COL15A1: variants seen among roughly 807,000 people sequenced by gnomAD.
COL15A1 encodes collagen type XV alpha 1 chain.
A neutral mutation model predicts 165.9 loss-of-function variants in COL15A1; 111 were observed. The observed-to-expected ratio is 0.67, with a 90% confidence interval of 0.57 to 0.78. The LOEUF is 0.78. Ranked by LOEUF, COL15A1 falls within the 30% of genes least tolerant of loss-of-function variation. COL15A1 has a pLI of 0.00. For missense variants in COL15A1, 1,745 were observed against 1,789.7 expected, an observed-to-expected ratio of 0.98 and a Z score of 0.45; for synonymous variants, 659 against 674.8, an observed-to-expected ratio of 0.98 and a Z score of 0.36.
chr9:98,969,612 T>A (rs1588495409), intron 2 of COL15A1, among the ~76,000 whole-genome samples: 2 of 151,970 alleles, frequency 1.3e-5, no homozygotes, highest in African/African-American at 4.8e-5. Flanking sequence ...GGTAGGGAGG[T>A]GCCCAGTGTT....
At chr9:99,060,028 T>G in intron 36 of COL15A1, 75 bp downstream of exon 36, 4 of 1,504,488 alleles carry the variant, frequency 2.7e-6, no homozygotes, top group Non-Finnish European at 3.6e-6. Flanking sequence ...TACGATCTCC[T>G]GTGTCTGACA....
chr9:98,985,923 G>C lies in COL15A1; in HGVS notation c.459G>C (p.Ser153=), dbSNP rs567540031. Residue 153 remains serine, a synonymous_variant, in exon 3 of 42, where the codon TCG becomes TCC. Transcript: ENST00000375001. ...TGTCCCAAGAGGCTGCTGCCTTCTC[G>C]GTGCCTGTGATGACCCACAGGTGGA... ...SHVSQEAAAF[S]VPVMTHRWNR... The C allele has an allele frequency of 1.9e-6, 3 of 1,613,902 alleles. No homozygotes were observed. In the South Asian group the frequency reaches 3.3e-5, roughly 18 times the overall value.
intron 5 of COL15A1, among the ~76,000 whole-genome samples, chr9:98,996,724 T>C (rs941887202): frequency 6.6e-6 from 1 of 152,198 alleles, no homozygotes; most frequent in African/African-American, 2.4e-5. Context: ...CACTGTCAAG[T>C]GAACAGAATC....
chr9:98,957,663 TTCTCTC>T (rs148586804), intron 2 of COL15A1, among the ~76,000 whole-genome samples: 1 of 149,958 alleles, frequency 6.7e-6, no homozygotes, highest in Non-Finnish European at 1.5e-5. Context: ...CTAGGGTTAT[TTCTCTC>T]TCTCTCTCTC....
At chr9:99,020,183 T>C (rs1752424879) in intron 11 of COL15A1, among the ~76,000 whole-genome samples, 1 of 152,140 alleles carries the variant, frequency 6.6e-6, no homozygotes, top group African/African-American at 2.4e-5. Flanking sequence ...GGCAAATAGG[T>C]ACTGAGAGCT....
intron 30 of COL15A1, among the ~76,000 whole-genome samples, chr9:99,051,035 A>G (rs1839578775): frequency 2.6e-5 from 4 of 152,210 alleles, no homozygotes; most frequent in Non-Finnish European, 5.9e-5. Flanking sequence ...TGGCCTGAAG[A>G]GAAACATAAA....
In COL15A1 at chr9:99,069,786, T is replaced by G. The variant is rs1825955217; in HGVS notation, c.4067T>G (p.Leu1356Arg). 6.2e-7 allele frequency: 1 copy of G among 1,614,248 alleles called. No individual in the cohort carries two copies. Among genetic ancestry groups the G allele is most frequent in the Non-Finnish European group, 8.5e-7 (1 of 1,180,034 alleles). The stretch of plus-strand genomic sequence containing the variant: ...GCGGTCACGGGACTTGCCTCCCCGC[T>G]GAGCACGGGGAAGATTCTGGACCAG... ...DTAVTGLASP[L>R]STGKILDQKA... The change falls in exon 42 of 42, where the codon CTG becomes CGG. Residue 1356 changes from leucine (L) to arginine (R), a missense_variant. Physicochemically the swap from Leu to Arg is moderately radical, Grantham distance 102. Transcript: ENST00000375001.
intron 8 of COL15A1, among the ~76,000 whole-genome samples, chr9:99,004,659 T>A (rs79820256): frequency 0.016 from 2,489 of 152,224 alleles, 162 homozygotes; most frequent in South Asian, 0.11. Context: ...CCCTCGGGGT[T>A]GGCAGGGAGT....
intron 11 of COL15A1, among the ~76,000 whole-genome samples, chr9:99,016,558 C>A (rs965711170): frequency 2.0e-5 from 3 of 152,112 alleles, no homozygotes; most frequent in African/African-American, 7.2e-5. Context: ...TTTCTTTGGC[C>A]CTCCGTTTCC....
At chr9:99,069,495 G>T (rs1206148145) in intron 41 of COL15A1, among the ~76,000 whole-genome samples, 178 bp from the exon 42 acceptor site, 1 of 152,182 alleles carries the variant, frequency 6.6e-6, no homozygotes, top group African/African-American at 2.4e-5. Context: ...TGCAAGCTGG[G>T]TGTGGCTGCA....
chr9:98,948,034 G>C (rs962538562), intron 2 of COL15A1, among the ~76,000 whole-genome samples: 14 of 152,282 alleles, frequency 9.2e-5, no homozygotes, highest in Admixed American at 7.2e-4. Flanking sequence ...AATTTAAAAT[G>C]TTGGGAAACA....
At chr9:99,017,032 C>T (rs949997117) in intron 11 of COL15A1, among the ~76,000 whole-genome samples, 2 of 152,226 alleles carry the variant, frequency 1.3e-5, no homozygotes, top group Non-Finnish European at 2.9e-5. Context: ...GTCTTGCATT[C>T]ATTCGTTGAT....
At chr9:99,018,667 T>C (rs1321269223) in intron 11 of COL15A1, among the ~76,000 whole-genome samples, 4 of 152,224 alleles carry the variant, frequency 2.6e-5, no homozygotes, top group Non-Finnish European at 5.9e-5. Context: ...ATTCAAACAA[T>C]GGAACATTAT....
In COL15A1 at chr9:98,985,784, T is replaced by C; in HGVS notation, c.320T>C (p.Leu107Pro). 1 of 1,614,062 alleles carries C rather than the reference T, an allele frequency of 6.2e-7. No homozygotes were observed. The highest frequency in any genetic ancestry group is 8.5e-7 in the Non-Finnish European group (1 of 1,180,020). ...CCCAGCAGCACCCGTGGTGGCGTGC[T>C]CTTCGCCATCACTGACGCCTTCCAG... Reference protein sequence around the residue: ...VKPSSTRGGVLFAITDAFQKV... With the variant: ...VKPSSTRGGVPFAITDAFQKV... Residue 107 changes from leucine (L) to proline (P), a missense_variant, in exon 3 of 42, where the codon CTC (leucine) becomes CCC (proline). Physicochemically the swap from Leu to Pro is moderately conservative, Grantham distance 98. Coordinates refer to ENST00000375001, the MANE Select transcript of COL15A1 (RefSeq NM_001855.5).
Position 98,987,382 on chromosome 9 carries a change from C to T in COL15A1, c.723+14C>T. ...GAAGAGTCCTCGGTGAGCTCCCCTA[C>T]TATCCCACAGTGGGCCCTGCAACCC... is the stretch of plus-strand genomic sequence containing the variant. On this transcript the variant is annotated intron_variant, in intron 4 of 41. Transcript: ENST00000375001. 6.2e-7 allele frequency: 1 copy of T among 1,604,752 alleles called. No individual in the cohort carries two copies. The highest frequency in any genetic ancestry group is 8.5e-7 in the Non-Finnish European group (1 of 1,175,326).
intron 2 of COL15A1, among the ~76,000 whole-genome samples, chr9:98,959,621 C>T (rs1837836082): frequency 6.6e-6 from 1 of 152,050 alleles, no homozygotes; most frequent in Non-Finnish European, 1.5e-5. Flanking sequence ...TTAATTCTGC[C>T]CCTGCAATGT....
intron 10 of COL15A1, 123 bp downstream of exon 10, chr9:99,015,689 G>C: frequency 1.1e-6 from 1 of 936,136 alleles, no homozygotes; most frequent in Non-Finnish European, 1.6e-6. Flanking sequence ...ATGTCTGGGT[G>C]GGCAGCTGCT....
intron 2 of COL15A1, among the ~76,000 whole-genome samples, chr9:98,977,080 G>T (rs1254813580): frequency 1.3e-5 from 2 of 152,294 alleles, no homozygotes; most frequent in African/African-American, 4.8e-5. Context: ...GAAAGAAATG[G>T]CAGCTACCAT....
At chr9:98,946,174 A>G (rs953595906) in intron 2 of COL15A1, among the ~76,000 whole-genome samples, 3 of 152,234 alleles carry the variant, frequency 2.0e-5, no homozygotes, top group African/African-American at 7.2e-5. Flanking sequence ...GAACATGTTC[A>G]TATTTCATTC....
Sources: allele counts gnomAD v4.1 joint callset (sites outside exome capture counted in the v4.1 genomes callset), GRCh38; gene constraint gnomAD v4.1.1; transcripts MANE v1.5; gene names NCBI Gene and HGNC (gene_info 2026-07-23, HGNC 2026-07-21).